ORC2: variants seen among roughly 807,000 people sequenced by gnomAD.
The protein encoded by ORC2 is origin recognition complex protein 2 homolog.
In ORC2, 37 loss-of-function variants were observed where a neutral mutation model predicts 77.7. The observed-to-expected ratio is 0.48, with a 90% CI of 0.37 to 0.63. The LOEUF (loss-of-function observed/expected upper bound fraction) is 0.63. ORC2 is among the 20% of genes least tolerant of loss of function. The pLI is 0.00. For missense variants in ORC2, 557 were observed against 661.9 expected (o/e 0.84, Z 1.74); for synonymous variants, 201 against 229.5 (o/e 0.88, Z 1.12).
chr2:200,931,421 C>T lies in ORC2; in HGVS notation c.835G>A (p.Val279Ile). 1.9e-6 allele frequency: 3 copies of T among 1,547,190 alleles called. No homozygotes were observed. The highest frequency in any genetic ancestry group is 2.6e-6 in the Non-Finnish European group (3 of 1,153,222). The part of the protein sequence containing the change: ...QQTLRNLLSK[V>I]SPSFSAELKQ... ...AGTTCGGCAGAAAAGGAAGGGGAAA[C>T]CTTGCTCAATAAGTTACGCAAAGTT... Residue 279 changes from valine (V) to isoleucine (I), a missense_variant, in exon 11 of 18, where the codon GTT becomes ATT. Physicochemically the swap from Val to Ile is conservative, Grantham distance 29. Transcript: ENST00000234296.
At chr2:200,954,995 A>G (rs1333641896) in intron 4 of ORC2, among the ~76,000 whole-genome samples, 4 of 152,146 alleles carry the variant, frequency 2.6e-5, no homozygotes, top group African/African-American at 4.8e-5. Flanking sequence ...GAGGATGCCA[A>G]TCAAGGCCAG....
At chr2:200,944,179 T>C (rs1271300191) in intron 5 of ORC2, among the ~76,000 whole-genome samples, 1 of 152,014 alleles carries the variant, frequency 6.6e-6, no homozygotes, top group East Asian at 1.9e-4. Context: ...AACAAGATAG[T>C]CTCTTTTTTT....
rs532853676 is a variant in ORC2 at position 200,938,353 on chromosome 2, T to C, written c.454-387A>G. Among the ~76,000 whole-genome samples, 4 of 152,256 alleles carry C rather than the reference T, an allele frequency of 2.6e-5. No homozygotes were observed. The South Asian group carries it at 8.3e-4, about 32-fold the overall frequency. On this transcript the variant is annotated intron_variant, in intron 7 of 17. Coordinates refer to ENST00000234296, the MANE Select transcript of ORC2 (RefSeq NM_006190.5). ...CCCAATGGAGTATTTTTTTAAAAGA[T>C]AGTATTATGTAGCAATCATAAGTAT...
At chr2:200,923,004 T>C (rs1484917263) in intron 13 of ORC2, among the ~76,000 whole-genome samples, 1 of 152,214 alleles carries the variant, frequency 6.6e-6, no homozygotes, top group Non-Finnish European at 1.5e-5. Context: ...GATTTGTTTC[T>C]CTTACAATAA....
intron 5 of ORC2, among the ~76,000 whole-genome samples, chr2:200,944,763 C>T (rs112042578): frequency 3.0e-4 from 46 of 152,274 alleles, no homozygotes; most frequent in African/African-American, 9.4e-4. Context: ...TGGTTTCAAA[C>T]TCCTGGCCTC....
In ORC2 at chr2:200,926,753, A is replaced by G. The variant is rs2040844073; in HGVS notation, c.1050+15T>C. ...AGGATATAATGTTTTTCCCTTTAAC[A>G]TTTTTGAAACTTACTGATTTCACAC... On this transcript the variant is annotated intron_variant, in intron 12 of 17. Coordinates refer to ENST00000234296, the MANE Select transcript of ORC2 (RefSeq NM_006190.5). 1.2e-6 allele frequency: 2 copies of G among 1,612,838 alleles called. No individual in the cohort carries two copies. The highest frequency in any genetic ancestry group is 1.7e-5 in the Admixed American group (1 of 59,906).
chr2:200,917,951 CTATT>C (rs2040686634), intron 15 of ORC2, among the ~76,000 whole-genome samples: 5 of 150,812 alleles, frequency 3.3e-5, no homozygotes, highest in Admixed American at 3.3e-4. Context: ...TCTCCTCTAT[CTATT>C]CCCCTTTATT....
intron 4 of ORC2, among the ~76,000 whole-genome samples, chr2:200,951,122 T>C (rs558244138): frequency 2.0e-5 from 3 of 152,338 alleles, no homozygotes; most frequent in East Asian, 1.9e-4. Context: ...TCATACAGTA[T>C]GTAGCCTTTT....
chr2:200,925,947 T>A lies in ORC2; in HGVS notation c.1051-15A>T, dbSNP rs1450328314. 8.4e-7 allele frequency: 1 copy of A among 1,193,418 alleles called. No homozygotes were observed. The highest frequency in any genetic ancestry group is 1.3e-5 in the South Asian group (1 of 74,528). 73.9% of individuals were successfully genotyped at this position (1,193,418 alleles called of 1,614,324 possible). A position where few individuals can be genotyped will look rare whatever the true frequency, so the allele number is the denominator to read the frequency against. ...GAATTCAGGACCTATATCATGAATG[T>A]GGAAGAGGTACCACATTAATTACAA... is the stretch of plus-strand genomic sequence containing the variant. On this transcript the variant is annotated splice_polypyrimidine_tract_variant and intron_variant, in intron 12 of 17. Transcript: ENST00000234296.
chr2:200,916,993 C>CTTTTTTT (rs1165127308), intron 15 of ORC2, among the ~76,000 whole-genome samples: 2 of 105,600 alleles, frequency 1.9e-5, no homozygotes, highest in Admixed American at 1.0e-4. Context: ...TGTGCCCCAC[C>CTTTTTTT]TTTTTTTTTT....
intron 5 of ORC2, chr2:200,943,215 T>C (rs2041187302): frequency 6.5e-6 from 1 of 152,788 alleles, no homozygotes. Flanking sequence ...TTCCATAAAG[T>C]GTGAACAGTT....
In ORC2 at chr2:200,937,933, G is replaced by T; in HGVS notation, c.487C>A (p.Pro163Thr). ...NDKSEFLSTA[P>T]RSLRKRLIVP... is the part of the protein sequence containing the mutation. ...ATTAATCTTTTTCTTAGACTACGAG[G>T]TGCTGTTGACAGAAATTCACTTTTG... Residue 163 changes from proline (P) to threonine (T), a missense_variant, in exon 8 of 18, where the codon CCT becomes ACT. Transcript: ENST00000234296. 1 of 1,601,576 alleles carries T rather than the reference G, an allele frequency of 6.2e-7. No homozygotes were observed. The highest frequency in any genetic ancestry group is 8.5e-7 in the Non-Finnish European group (1 of 1,172,198).
chr2:200,923,396 G>A (rs745728183), intron 13 of ORC2, among the ~76,000 whole-genome samples: 9 of 151,832 alleles, frequency 5.9e-5, no homozygotes, highest in Admixed American at 1.3e-4. Flanking sequence ...TTACAGGTGC[G>A]CACCACCAGG....
At position 200,954,662 on chromosome 2, in the gene ORC2, A is replaced by G. The variant is rs573444260; in HGVS notation, c.238+2739T>C. On this transcript the variant is annotated intron_variant, in intron 4 of 17. Coordinates refer to ENST00000234296, the MANE Select transcript of ORC2 (RefSeq NM_006190.5). ...GATCTTGGCACAGGAGGGAGTGTGG[A>G]AAAAAGACTTTGACATTATTAATAT... Among the ~76,000 whole-genome samples the G allele has an allele frequency of 4.6e-5, 7 of 152,248 alleles. No homozygotes were observed. The East Asian group carries it at 1.4e-3, about 29-fold the overall frequency.
Position 200,950,059 on chromosome 2 carries a change from G to A in ORC2, c.239-416C>T, listed in dbSNP as rs191546335. Among the ~76,000 whole-genome samples, 290 of 152,246 alleles carry A rather than the reference G, an allele frequency of 1.9e-3. 3 individuals are homozygous for A. The highest frequency in any genetic ancestry group is 6.5e-3 in the African/African-American group (270 of 41,552). On this transcript the variant is annotated intron_variant, in intron 4 of 17. Coordinates refer to ENST00000234296, the MANE Select transcript of ORC2 (RefSeq NM_006190.5). ...ATGGTAGAAGCTTTCTTGGCCGGGC[G>A]CAGTGGCTCACACCTGTAATCCCAG...
At chr2:200,942,923 G>C in intron 5 of ORC2, 146 bp from the exon 6 acceptor site, 1 of 447,380 alleles carries the variant, frequency 2.2e-6, no homozygotes, top group East Asian at 3.5e-5. Flanking sequence ...GAGTAATACT[G>C]CTTTCACCTT....
At chr2:200,957,323 C>T (rs2041486173) in intron 4 of ORC2, 78 bp downstream of exon 4, 2 of 1,050,496 alleles carry the variant, frequency 1.9e-6, no homozygotes, top group Non-Finnish European at 1.3e-6. Flanking sequence ...GTTTAACCTA[C>T]CAGACTACTT....
intron 4 of ORC2, among the ~76,000 whole-genome samples, chr2:200,950,872 A>G (rs545745484): frequency 8.5e-5 from 13 of 152,314 alleles, no homozygotes; most frequent in African/African-American, 3.1e-4. Context: ...TTGTCAAACA[A>G]TGGGTATAAA....
In ORC2 at chr2:200,925,861, G is replaced by T. The variant is rs142051981; in HGVS notation, c.1122C>A (p.Asp374Glu). The T allele has an allele frequency of 3.9e-4, 617 of 1,590,854 alleles. 3 individuals are homozygous for T. The African/African-American group carries it at 7.1e-3, about 18-fold the overall frequency. ...GTFRSILDQL[D>E]WIVNKFKEDS... ...CTTCTTTAAATTTGTTTACTATCCA[G>T]TCTAGCTGATCCAGTATACTGCGGA... Residue 374 changes from aspartate (D) to glutamate (E), a missense_variant, in exon 13 of 18, where the codon GAC becomes GAA. Asp to Glu is a conservative substitution (Grantham distance 45). Transcript: ENST00000234296.
Sources: gnomAD v4.1 joint callset for allele counts (sites outside exome capture counted in the v4.1 genomes callset) on GRCh38, gnomAD v4.1.1 for gene constraint, MANE v1.5 for transcripts, NCBI Gene and HGNC (gene_info 2026-07-23, HGNC 2026-07-21) for gene names.